PIK3C2B: variants seen among roughly 807,000 people sequenced by gnomAD.
PIK3C2B encodes phosphatidylinositol-4-phosphate 3-kinase catalytic subunit type 2 beta.
PIK3C2B carries 83 observed loss-of-function variants against 184.3 expected under a neutral mutation model. The observed-to-expected ratio is 0.45, with a 90% confidence interval of 0.38 to 0.54. The LOEUF (loss-of-function observed/expected upper bound fraction) is 0.54, where lower values mean the gene tolerates loss of function less well. PIK3C2B is among the 20% of genes least tolerant of loss of function. PIK3C2B has a pLI of 0.00. For missense variants in PIK3C2B, 1,736 were observed against 2,113.5 expected, an observed-to-expected ratio of 0.82 and a Z score of 3.50; for synonymous variants, 779 against 837.6, an observed-to-expected ratio of 0.93 and a Z score of 1.21.
chr1:204,460,840 G>C (rs934985590), intron 5 of PIK3C2B, among the ~76,000 whole-genome samples, 179 bp from the exon 6 acceptor site: 1 of 152,200 alleles, frequency 6.6e-6, no homozygotes, highest in African/African-American at 2.4e-5. Flanking sequence ...AGAAGGAACA[G>C]AGGTCTATCT....
Position 204,445,979 on chromosome 1 carries a change from A to G in PIK3C2B, c.2655T>C (p.Asp885=). The change falls in exon 16 of 33, where the codon GAT becomes GAC. Residue 885 remains aspartate, a synonymous_variant. Coordinates refer to ENST00000684373, the MANE Select transcript of PIK3C2B (RefSeq NM_001377334.1). ...LKQWTHMNHQ[D]ALGLLHATFP... The stretch of plus-strand genomic sequence containing the variant: ...ACGTGGCATGCAGGAGCCCCAGGGC[A>G]TCCTGGTGGTTCATGTGGGTCCACT... 6.4e-7 allele frequency: 1 copy of G among 1,553,638 alleles called. No homozygotes were observed. The highest frequency in any genetic ancestry group is 8.7e-7 in the Non-Finnish European group (1 of 1,143,856).
chr1:204,461,820 G>A (rs922757719), intron 5 of PIK3C2B, among the ~76,000 whole-genome samples: 23 of 151,992 alleles, frequency 1.5e-4, no homozygotes, highest in African/African-American at 5.3e-4. Context: ...ACCCTCCCAC[G>A]GGACTGCCTC....
Position 204,443,735 on chromosome 1 carries a change from T to C in PIK3C2B, c.2868-138A>G, listed in dbSNP as rs1287289808. On this transcript the variant is annotated intron_variant, in intron 18 of 32. Transcript: ENST00000684373. The stretch of plus-strand genomic sequence containing the variant: ...TGGGAGGGAAAATACATTCTGTATG[T>C]ACGGCTCATATGGAGATGCTCACCT... The C allele has an allele frequency of 1.8e-5, 13 of 740,454 alleles. 1 individual carries two copies. Among genetic ancestry groups the C allele is most frequent in the Admixed American group, 9.0e-5 (4 of 44,540 alleles). The allele number at this position is 740,454 out of a possible 1,614,324, so 45.9% of individuals were successfully genotyped here. A position where few individuals can be genotyped will look rare whatever the true frequency, so the allele number is the denominator to read the frequency against.
intron 5 of PIK3C2B, among the ~76,000 whole-genome samples, chr1:204,462,098 A>G (rs1655381072): frequency 6.6e-6 from 1 of 151,844 alleles, no homozygotes; most frequent in Non-Finnish European, 1.5e-5. Context: ...TCCCCTGGGG[A>G]CTTGCTTGAT....
At position 204,441,489 on chromosome 1, in the gene PIK3C2B, G is replaced by A. The variant is rs1324292838; in HGVS notation, c.3231C>T (p.Asn1077=). 3 of 1,610,746 alleles carry A rather than the reference G, an allele frequency of 1.9e-6. No individual in the cohort carries two copies. Among genetic ancestry groups the A allele is most frequent in the East Asian group, 2.2e-5 (1 of 44,860 alleles). The part of the protein sequence containing the change: ...SFQNVDPLGE[N]IRVIFKCGDD... ...TTCTCACCTTGAAGATGACACGGAT[G>A]TTCTCACCCAGGGGATCCACATTTT... The change falls in exon 21 of 33, where the codon AAC becomes AAT. Residue 1077 remains asparagine (N), a synonymous_variant. Transcript: ENST00000684373.
At chr1:204,492,728 C>T (rs933309311) in intron 1 of PIK3C2B, among the ~76,000 whole-genome samples, 2 of 152,304 alleles carry the variant, frequency 1.3e-5, no homozygotes, top group South Asian at 4.1e-4. Flanking sequence ...CCAGCACACC[C>T]CCTTGGCCCT....
At chr1:204,467,911 G>A (rs1184488634) in intron 2 of PIK3C2B, among the ~76,000 whole-genome samples, 5 of 151,910 alleles carry the variant, frequency 3.3e-5, no homozygotes, top group African/African-American at 1.2e-4. Context: ...GGGTTTCCAG[G>A]GACCAAGGAT....
intron 1 of PIK3C2B, among the ~76,000 whole-genome samples, chr1:204,478,830 A>C (rs1446111978): frequency 6.6e-6 from 1 of 152,234 alleles, no homozygotes; most frequent in Non-Finnish European, 1.5e-5. Context: ...TCTGGGTCCT[A>C]GACAATCAGA....
chr1:204,439,171 C>T (rs1419267299), intron 22 of PIK3C2B, 100 bp from the exon 23 acceptor site: 14 of 1,218,248 alleles, frequency 1.1e-5, no homozygotes, highest in Non-Finnish European at 1.6e-5. Flanking sequence ...ATAAATTAAG[C>T]TGTAAGGCAT....
chr1:204,468,469 T>G (rs1656001741), intron 2 of PIK3C2B, among the ~76,000 whole-genome samples: 1 of 152,152 alleles, frequency 6.6e-6, no homozygotes, highest in South Asian at 2.1e-4. Flanking sequence ...CACGCAGCGT[T>G]TTTGGCAGAG....
intron 5 of PIK3C2B, among the ~76,000 whole-genome samples, chr1:204,462,543 A>G (rs1036928689): frequency 2.0e-5 from 3 of 152,176 alleles, no homozygotes; most frequent in Non-Finnish European, 4.4e-5. Context: ...TAACAGTGGC[A>G]GGCCACCTGG....
intron 8 of PIK3C2B, among the ~76,000 whole-genome samples, chr1:204,459,355 G>C (rs1572352286): frequency 6.6e-6 from 1 of 152,224 alleles, no homozygotes; most frequent in African/African-American, 2.4e-5. Context: ...ATTTTCTTTG[G>C]CGTTGTGACA....
Position 204,465,234 on chromosome 1 carries a change from C to CTGGATCTGT in PIK3C2B, c.1018_1019insACAGATCCA (p.Cys340delinsTyrArgSerSer). ...TAACTCTTACATATCCAGCATGTGG[C>CTGGATCTGT]AAAATGCAGCAACCTCCTCATCTCT... On this transcript the variant is annotated protein_altering_variant, in exon 3 of 33. Transcript: ENST00000684373. 6.7e-7 allele frequency: 1 copy of CTGGATCTGT among 1,487,086 alleles called. No individual in the cohort carries two copies. Among genetic ancestry groups the CTGGATCTGT allele is most frequent in the Non-Finnish European group, 9.0e-7 (1 of 1,106,092 alleles). The allele number at this position is 1,487,086 out of a possible 1,614,324, so 92.1% of individuals were successfully genotyped here. A position where few individuals can be genotyped will look rare whatever the true frequency, so the allele number is the denominator to read the frequency against.
At position 204,466,414 on chromosome 1, in the gene PIK3C2B, A is replaced by C. The variant is rs906543487; in HGVS notation, c.934-1095T>G. ...GACAGCAACTGAGCTCCTCATTTGA[A>C]TATCCAGACTGTTTCCTCTGGTTGA... On this transcript the variant is annotated intron_variant, in intron 2 of 32. Transcript: ENST00000684373. Among the ~76,000 whole-genome samples the C allele has an allele frequency of 6.8e-5, 10 of 147,170 alleles. 1 individual carries two copies. In the Admixed American group the frequency reaches 6.9e-4, roughly 10 times the overall value.
In PIK3C2B at chr1:204,449,833, C is replaced by A. The variant is rs1241311992; in HGVS notation, c.2234+17G>T. The A allele has an allele frequency of 6.3e-7, 1 of 1,591,494 alleles. No individual in the cohort carries two copies. Among genetic ancestry groups the A allele is most frequent in the Non-Finnish European group, 8.6e-7 (1 of 1,168,670 alleles). ...CCCCTTCCAAGGCCAAGAAGCTGTA[C>A]CCTGGGGCTCACATACTGCCTGAAG... On this transcript the variant is annotated intron_variant, in intron 13 of 32. Coordinates refer to ENST00000684373, the MANE Select transcript of PIK3C2B (RefSeq NM_001377334.1).
Position 204,434,421 on chromosome 1 carries a change from C to T in PIK3C2B, c.3686+18G>A. 6.2e-7 allele frequency: 1 copy of T among 1,612,992 alleles called. No individual in the cohort carries two copies. The highest frequency in any genetic ancestry group is 8.5e-7 in the Non-Finnish European group (1 of 1,179,246). On this transcript the variant is annotated intron_variant, in intron 24 of 32. Transcript: ENST00000684373. The stretch of plus-strand genomic sequence containing the variant: ...TCCTTGCCCTTCACTCACAATCTGG[C>T]TTCAGGAGATCACTTACCGCTTGAT...
chr1:204,463,940 A>T, intron 5 of PIK3C2B, 72 bp downstream of exon 5: 1 of 1,520,932 alleles, frequency 6.6e-7, no homozygotes, highest in Non-Finnish European at 9.0e-7. Context: ...CGGTCCCAGC[A>T]CCAATCCCAT....
chr1:204,456,908 C>CACACCCACACA (rs1558257293), intron 10 of PIK3C2B, 129 bp downstream of exon 10: 1 of 196,722 alleles, frequency 5.1e-6, no homozygotes, highest in African/African-American at 2.8e-5. Context: ...ACACACACAC[C>CACACCCACACA]CACACACACA....
Position 204,439,035 on chromosome 1 carries a change from C to T in PIK3C2B, c.3416G>A (p.Arg1139His), listed in dbSNP as rs538116033. 29 of 1,613,976 alleles carry T rather than the reference C, an allele frequency of 1.8e-5. 1 individual carries two copies. The South Asian group carries it at 2.0e-4, about 11-fold the overall frequency. ...VEMIPNAETL[R>H]KIQVEHGVTG... ...CACCCCATGCTCCACCTGGATCTTA[C>T]GCAGGGTCTCAGCATTAGGGATCAT... The change falls in exon 23 of 33, where the codon CGT becomes CAT. Residue 1139 changes from arginine to histidine, a missense_variant. Arg to His is a conservative substitution (Grantham distance 29, BLOSUM62 0). Coordinates refer to ENST00000684373, the MANE Select transcript of PIK3C2B (RefSeq NM_001377334.1).
Sources: allele counts gnomAD v4.1 joint callset (sites outside exome capture counted in the v4.1 genomes callset), GRCh38; gene constraint gnomAD v4.1.1; transcripts MANE v1.5; gene names NCBI Gene and HGNC (gene_info 2026-07-23, HGNC 2026-07-21).